DLC1: variants seen among roughly 807,000 people sequenced by gnomAD.
DLC1 encodes rho GTPase-activating protein 7.
DLC1 carries 54 observed loss-of-function variants against 140.3 expected under a neutral mutation model. That is an observed-to-expected ratio of 0.38 (90% confidence interval 0.31 to 0.48). The LOEUF (loss-of-function observed/expected upper bound fraction) is 0.48, where lower values mean the gene tolerates loss of function less well. DLC1 is among the 20% of genes least tolerant of loss of function. The pLI, the probability that DLC1 is intolerant of heterozygous loss-of-function variation, is 0.96. For missense variants in DLC1, 2,536 were observed against 1,907.0 expected (o/e 1.33, Z -6.14); for synonymous variants, 986 against 728.1 (o/e 1.35, Z -5.70).
intron 5 of DLC1, among the ~76,000 whole-genome samples, chr8:13,122,665 C>T (rs1300828920): frequency 6.6e-6 from 1 of 152,096 alleles, no homozygotes; most frequent in African/African-American, 2.4e-5. Flanking sequence ...AAGGTTAAGA[C>T]AGACAGCAGA....
chr8:13,368,682 C>G (rs1743017227), intron 4 of DLC1, among the ~76,000 whole-genome samples: 1 of 152,124 alleles, frequency 6.6e-6, no homozygotes, highest in South Asian at 2.1e-4. Flanking sequence ...CACAGATACT[C>G]TGAGTTGTTA....
At chr8:13,138,815 T>A (rs540263426) in intron 5 of DLC1, among the ~76,000 whole-genome samples, 1 of 152,130 alleles carries the variant, frequency 6.6e-6, no homozygotes, top group South Asian at 2.1e-4. Context: ...AATGCTGGAG[T>A]GTAGGATGAA....
rs7014210 is a variant in DLC1 at position 13,292,370 on chromosome 8, A to G, written c.1348+12899T>C. 8.4e-3 allele frequency among the ~76,000 whole-genome samples: 1,277 copies of G among 152,290 alleles called. 19 individuals carry two copies. The highest frequency in any genetic ancestry group is 0.029 in the African/African-American group (1,201 of 41,564). On this transcript the variant is annotated intron_variant, in intron 5 of 17. Transcript: ENST00000276297. ...GCTCCTGATTAGCTGTGGAACGATG[A>G]GTACCATCTCAGAGTCAAGGTCACA...
intron 4 of DLC1, among the ~76,000 whole-genome samples, chr8:13,319,747 A>G (rs1624812): frequency 0.94 from 141,094 of 150,230 alleles, 66,664 homozygotes; most frequent in East Asian, 1. Flanking sequence ...GTTCTTTATA[A>G]CAGTGCAAGA....
chr8:13,090,605 G>C, intron 14 of DLC1, 135 bp from the exon 15 acceptor site: 1 of 946,922 alleles, frequency 1.1e-6, no homozygotes, highest in Non-Finnish European at 1.6e-6. Context: ...CCGGAGGTGG[G>C]CTATCATGCT....
intron 2 of DLC1, among the ~76,000 whole-genome samples, chr8:13,496,014 T>C (rs984722897): frequency 6.6e-6 from 1 of 152,234 alleles, no homozygotes; most frequent in African/African-American, 2.4e-5. Context: ...TTAGCCTTAA[T>C]TGATTTCACT....
At chr8:13,450,900 A>C (rs1199439614) in intron 2 of DLC1, among the ~76,000 whole-genome samples, 4 of 151,834 alleles carry the variant, frequency 2.6e-5, no homozygotes, top group Admixed American at 6.6e-5. Context: ...TTAGCTGGGC[A>C]TGGTGGCCTG....
At chr8:13,421,017 G>T (rs1838299008) in intron 2 of DLC1, among the ~76,000 whole-genome samples, 1 of 152,070 alleles carries the variant, frequency 6.6e-6, no homozygotes, top group Non-Finnish European at 1.5e-5. Context: ...GGTCTCTCCG[G>T]TATGGACTGA....
chr8:13,414,472 C>T (rs969489092), intron 2 of DLC1, among the ~76,000 whole-genome samples: 4 of 152,134 alleles, frequency 2.6e-5, no homozygotes, highest in Non-Finnish European at 5.9e-5. Context: ...ATCTGTTCTT[C>T]CTATGACTCA....
At chr8:13,361,833 T>C (rs1835240806) in intron 4 of DLC1, among the ~76,000 whole-genome samples, 2 of 152,186 alleles carry the variant, frequency 1.3e-5, no homozygotes, top group African/African-American at 4.8e-5. Flanking sequence ...TAACTTCTTA[T>C]TTAGTACATA....
chr8:13,354,694 C>T (rs1179555408), intron 4 of DLC1, among the ~76,000 whole-genome samples: 1 of 151,100 alleles, frequency 6.6e-6, no homozygotes, highest in Non-Finnish European at 1.5e-5. Context: ...TCTGTAATCC[C>T]AGCACTTTGG....
chr8:13,109,284 G>A (rs1043153535), intron 7 of DLC1, among the ~76,000 whole-genome samples: 8 of 152,140 alleles, frequency 5.3e-5, no homozygotes, highest in South Asian at 2.1e-4. Flanking sequence ...GAGATGGGGT[G>A]TGGTGGCTCA....
chr8:13,140,547 C>A (rs1199360325), intron 5 of DLC1, among the ~76,000 whole-genome samples: 3 of 148,822 alleles, frequency 2.0e-5, no homozygotes, highest in African/African-American at 4.9e-5. Flanking sequence ...TTTTTTTTTT[C>A]AATGAAGCAT....
intron 5 of DLC1, among the ~76,000 whole-genome samples, chr8:13,287,860 G>A (rs183147494): frequency 4.3e-4 from 65 of 151,784 alleles, no homozygotes; most frequent in African/African-American, 1.5e-3. Context: ...ATTATTATAA[G>A]GTAGATTTTC....
chr8:13,441,033 A>T (rs1447809033), intron 2 of DLC1, among the ~76,000 whole-genome samples: 1 of 152,200 alleles, frequency 6.6e-6, no homozygotes, highest in Non-Finnish European at 1.5e-5. Flanking sequence ...TTAACAGCCA[A>T]ACAGTTCAAA....
At chr8:13,481,856 A>G (rs1168727966) in intron 2 of DLC1, among the ~76,000 whole-genome samples, 3 of 152,170 alleles carry the variant, frequency 2.0e-5, no homozygotes, top group Non-Finnish European at 4.4e-5. Context: ...ATGTCCTTAA[A>G]AAGGGGGAAA....
intron 5 of DLC1, among the ~76,000 whole-genome samples, chr8:13,146,465 T>A (rs890237979): frequency 2.0e-5 from 3 of 152,114 alleles, no homozygotes; most frequent in Middle Eastern, 3.4e-3. Flanking sequence ...TATCTAAATT[T>A]GTAAGTTATT....
intron 4 of DLC1, among the ~76,000 whole-genome samples, chr8:13,351,718 A>G (rs138493642): frequency 1.2e-4 from 19 of 152,310 alleles, no homozygotes; most frequent in African/African-American, 4.1e-4. Flanking sequence ...AATATTCACT[A>G]TCTGATCCTT....
intron 5 of DLC1, among the ~76,000 whole-genome samples, chr8:13,258,247 G>T (rs1287936288): frequency 1.3e-5 from 2 of 152,194 alleles, no homozygotes; most frequent in Non-Finnish European, 1.5e-5. Context: ...TTTAGGGACT[G>T]ACAAATTGTA....
Sources: allele counts gnomAD v4.1 joint callset (sites outside exome capture counted in the v4.1 genomes callset), GRCh38; gene constraint gnomAD v4.1.1; transcripts MANE v1.5; gene names NCBI Gene and HGNC (gene_info 2026-07-23, HGNC 2026-07-21).